The following PACRGL variants were observed in gnomAD, a reference collection of about 807,000 sequenced individuals.
PACRGL encodes the protein PACRG-like protein.
Under a neutral mutation model 34.5 loss-of-function variants are expected in PACRGL, and 38 were observed. The observed-to-expected ratio is 1.10, with a 90% CI of 0.85 to 1.44. The LOEUF is 1.44. PACRGL is among the 40% of genes most tolerant of loss of function. The pLI is 0.00. For missense variants in PACRGL, 305 were observed against 281.4 expected (o/e 1.08, Z -0.60); for synonymous variants, 128 against 100.1 (o/e 1.28, Z -1.66).
At chr4:20,711,832 T>C (rs1376390336) in intron 5 of PACRGL, among the ~76,000 whole-genome samples, 1 of 152,184 alleles carries the variant, frequency 6.6e-6, no homozygotes, top group Non-Finnish European at 1.5e-5. Context: ...TTAAAATATT[T>C]TCATACTGCA....
At chr4:20,763,633 G>A in the PACRGL span, among the ~76,000 whole-genome samples, 837 of 152,308 alleles carry the variant, frequency 5.5e-3, 8 homozygotes, top group South Asian at 0.044. Context: ...TTTGTAAAGA[G>A]TTTGGAATAT....
upstream of PACRGL, among the ~76,000 whole-genome samples, chr4:20,699,915 T>C (rs1731538035): frequency 6.6e-6 from 1 of 152,198 alleles, no homozygotes; most frequent in Non-Finnish European, 1.5e-5. Flanking sequence ...GCGGATATAC[T>C]GTGAAGAATG....
At chr4:20,726,956 T>C (rs1312272662) in intron 8 of PACRGL, among the ~76,000 whole-genome samples, 5 of 152,108 alleles carry the variant, frequency 3.3e-5, no homozygotes, top group African/African-American at 1.2e-4. Flanking sequence ...AGAGGGAGAT[T>C]TTGTTGTTAT....
At chr4:20,702,338 T>C (rs756102707) in intron 1 of PACRGL, 1 of 376,260 alleles carries the variant, frequency 2.7e-6, no homozygotes, top group Admixed American at 3.3e-5. Context: ...CTGTTAACAA[T>C]TGATGATCAA....
chr4:20,722,273 C>T (rs541804939), intron 7 of PACRGL, among the ~76,000 whole-genome samples: 22 of 152,348 alleles, frequency 1.4e-4, no homozygotes, highest in Middle Eastern at 6.8e-3. Context: ...TTGCGCTTCC[C>T]GGGTGAGGCG....
In PACRGL at chr4:20,732,117, C is replaced by T; in HGVS notation, c.*4776C>T. The T allele has an allele frequency of 7.7e-7, 1 of 1,292,102 alleles. No homozygotes were observed. Among genetic ancestry groups the T allele is most frequent in the Non-Finnish European group, 1.1e-6 (1 of 891,962 alleles). 80.0% of individuals were successfully genotyped at this position (1,292,102 alleles called of 1,614,324 possible). On this transcript the variant is annotated 3_prime_UTR_variant, in exon 9 of 9. Coordinates refer to ENST00000503585, the MANE Select transcript of PACRGL (RefSeq NM_001258345.3). ...TGTATTTAGACTTATCCCTTAATAC[C>T]CTCACACCTGGACCAAATGAGCTGA...
chr4:20,751,800 A>G (rs1241569889), intron 8 of PACRGL, among the ~76,000 whole-genome samples: 7 of 152,196 alleles, frequency 4.6e-5, no homozygotes, highest in Non-Finnish European at 1.0e-4. Context: ...CAAGGTTTAC[A>G]CTAATGTGGT....
downstream of PACRGL, among the ~76,000 whole-genome samples, chr4:20,757,195 C>T (rs909930328): frequency 3.9e-5 from 6 of 152,094 alleles, no homozygotes; most frequent in African/African-American, 1.2e-4. Context: ...AAAGTTAGTT[C>T]ATCACTAAAT....
At chr4:20,715,157 G>A (rs1455542484) in intron 7 of PACRGL, among the ~76,000 whole-genome samples, 1 of 152,120 alleles carries the variant, frequency 6.6e-6, no homozygotes, top group African/African-American at 2.4e-5. Flanking sequence ...ATCATTCTCA[G>A]TAAACTGTCA....
Position 20,729,324 on chromosome 4 carries a change from T to TAA in PACRGL, c.*1984_*1985dup, listed in dbSNP as rs1747138178. The TAA allele has an allele frequency of 6.6e-6, 1 of 151,552 alleles. No individual in the cohort carries two copies. Among genetic ancestry groups the TAA allele is most frequent in the East Asian group, 2.0e-4 (1 of 5,000 alleles). 9.4% of individuals were successfully genotyped at this position (151,552 alleles called of 1,614,324 possible). A position where few individuals can be genotyped will look rare whatever the true frequency, so the allele number is the denominator to read the frequency against. ...TCAACTTCCACTTAATGATTGATAC[T>TAA]AATGATTGATACAATAGAAAACAGC... On this transcript the variant is annotated 3_prime_UTR_variant, in exon 9 of 9. Coordinates refer to ENST00000503585, the MANE Select transcript of PACRGL (RefSeq NM_001258345.3).
intron 4 of PACRGL, among the ~76,000 whole-genome samples, chr4:20,708,607 C>T (rs1735629549): frequency 6.6e-6 from 1 of 151,996 alleles, no homozygotes; most frequent in African/African-American, 2.4e-5. Context: ...TCTCTACTCC[C>T]CACCCCTCCA....
intron 8 of PACRGL, among the ~76,000 whole-genome samples, chr4:20,744,402 A>C (rs753708562): frequency 1.6e-4 from 24 of 152,216 alleles, no homozygotes; most frequent in Admixed American, 4.6e-4. Context: ...AATGTGGCAC[A>C]TATACTGGAT....
intron 8 of PACRGL, among the ~76,000 whole-genome samples, chr4:20,726,982 A>C (rs1472013911): frequency 6.6e-6 from 1 of 152,152 alleles, no homozygotes; most frequent in Non-Finnish European, 1.5e-5. Flanking sequence ...TCTAAAGATC[A>C]CGGAACTTAG....
rs1032914008 is a variant in PACRGL, at chr4:20,729,650, A to G, written c.*2309A>G. ...GGAATTACAGCATTCAAACATGAAA[A>G]TTAATTTAATTTCTGGAAATTAAAT... On this transcript the variant is annotated 3_prime_UTR_variant, in exon 9 of 9. Transcript: ENST00000503585. 4 of 153,318 alleles carry G rather than the reference A, an allele frequency of 2.6e-5. No individual in the cohort carries two copies. The highest frequency in any genetic ancestry group is 9.7e-5 in the African/African-American group (4 of 41,442). The allele number at this position is 153,318 out of a possible 1,614,324, so 9.5% of individuals were successfully genotyped here.
At chr4:20,708,602 A>G (rs2149073997) in intron 4 of PACRGL, among the ~76,000 whole-genome samples, 1 of 152,174 alleles carries the variant, frequency 6.6e-6, no homozygotes, top group African/African-American at 2.4e-5. Flanking sequence ...TTAATTCTCT[A>G]CTCCCCACCC....
rs138212222 is a variant in PACRGL at position 20,704,740 on chromosome 4, A to G, written c.133A>G (p.Thr45Ala). Residue 45 changes from threonine (T) to alanine (A), a missense_variant, in exon 3 of 9, where the codon ACC (threonine) becomes GCC (alanine). By Grantham distance (58) the Thr-to-Ala change is moderately conservative. Coordinates refer to ENST00000503585, the MANE Select transcript of PACRGL (RefSeq NM_001258345.3). ...AVQGSKSSLS[T>A]SSPESARKLH... The stretch of plus-strand genomic sequence containing the variant: ...TCAGGGAAGCAAATCCTCATTGTCA[A>G]CCAGTTCTCCAGAGTCTGCAAGAAA... 15 of 1,613,986 alleles carry G rather than the reference A, an allele frequency of 9.3e-6. No homozygotes were observed. The Admixed American group carries it at 1.5e-4, about 16-fold the overall frequency.
At chr4:20,732,997 T>G (rs1578416377), downstream of PACRGL, among the ~76,000 whole-genome samples, 3 of 152,236 alleles carry the variant, frequency 2.0e-5, no homozygotes, top group East Asian at 5.8e-4. Context: ...GAATGAATTC[T>G]GATCTCTTGG....
At position 20,727,325 on chromosome 4, in the gene PACRGL, G is replaced by C; in HGVS notation, c.731G>C (p.Cys244Ser). Residue 244 changes from cysteine (C) to serine (S), a missense_variant, in exon 9 of 9, where the codon TGC (cysteine) becomes TCC (serine). Physicochemically the swap from Cys to Ser is moderately radical, Grantham distance 112. Transcript: ENST00000503585. ...SIIKSKIPTY[C>S]SICC ...ATCAAATCTAAAATTCCAACATACT[G>C]CTCCATATGCTGTTGAAGAAGGGAG... 2 of 1,612,670 alleles carry C rather than the reference G, an allele frequency of 1.2e-6. No homozygotes were observed. The highest frequency in any genetic ancestry group is 1.7e-6 in the Non-Finnish European group (2 of 1,178,952).
At position 20,730,619 on chromosome 4, in the gene PACRGL, A is replaced by G. The variant is rs1034587273; in HGVS notation, c.*3278A>G. ...ATTAAGAGGTAACATGTTTGCAGTA[A>G]TCATCTCTCTTTCTGTCTGCTAGTT... On this transcript the variant is annotated 3_prime_UTR_variant, in exon 9 of 9. Transcript: ENST00000503585. Among the ~76,000 whole-genome samples, 3 of 152,106 alleles carry G rather than the reference A, an allele frequency of 2.0e-5. No homozygotes were observed. The highest frequency in any genetic ancestry group is 4.4e-5 in the Non-Finnish European group (3 of 68,028).
Sources: gnomAD v4.1 joint callset for allele counts (sites outside exome capture counted in the v4.1 genomes callset) on GRCh38, gnomAD v4.1.1 for gene constraint, MANE v1.5 for transcripts, NCBI Gene and HGNC (gene_info 2026-07-23, HGNC 2026-07-21) for gene names.